The following SH3PXD2A variants were observed in gnomAD, a reference collection of about 807,000 sequenced individuals.
The protein encoded by SH3PXD2A is SH3 and PX domain-containing protein 2A.
A neutral mutation model predicts 115.2 loss-of-function variants in SH3PXD2A; 32 were observed. The observed-to-expected ratio is 0.28, with a 90% CI of 0.21 to 0.37. The LOEUF is 0.37. Among genes scored for constraint, SH3PXD2A ranks in the 10% least tolerant of loss-of-function variants. SH3PXD2A has a pLI of 1.00. For missense variants in SH3PXD2A, 1,328 were observed against 1,498.7 expected, an observed-to-expected ratio of 0.89 and a Z score of 1.88; for synonymous variants, 610 against 629.1, an observed-to-expected ratio of 0.97 and a Z score of 0.45.
At chr10:103,624,712 AC>A (rs1485797517) in intron 9 of SH3PXD2A, among the ~76,000 whole-genome samples, 2 of 152,196 alleles carry the variant, frequency 1.3e-5, no homozygotes, top group East Asian at 3.8e-4. Context: ...GGCTCAGGGC[AC>A]CTATGATGGG....
At chr10:103,662,431 C>T (rs1273046543) in intron 7 of SH3PXD2A, among the ~76,000 whole-genome samples, 7 of 107,002 alleles carry the variant, frequency 6.5e-5, no homozygotes, top group East Asian at 2.9e-4. Flanking sequence ...CTCGCTCTGT[C>T]GCCCAGGCCG....
chr10:103,606,177 T>TATCATCATCATC (rs56654395), intron 13 of SH3PXD2A, among the ~76,000 whole-genome samples: 10 of 142,826 alleles, frequency 7.0e-5, no homozygotes, highest in South Asian at 2.4e-4. Flanking sequence ...TTACTATTAC[T>TATCATCATCATC]ATCATCATCA....
chr10:103,627,029 TGA>T lies in SH3PXD2A; in HGVS notation c.718+58_718+59del. 1 of 895,686 alleles carries T rather than the reference TGA, an allele frequency of 1.1e-6. No homozygotes were observed. The highest frequency in any genetic ancestry group is 1.9e-6 in the Non-Finnish European group (1 of 531,732). 55.5% of individuals were successfully genotyped at this position (895,686 alleles called of 1,614,324 possible). Reference sequence around the variant, plus strand: ...GGTTCTGTTGGTTCTAGGGAAAGAGTGAGAGAGCTGCCTCCAGAGGCCGCGTT... The same window carrying T: ...GGTTCTGTTGGTTCTAGGGAAAGAGTGAGAGCTGCCTCCAGAGGCCGCGTT... On this transcript the variant is annotated intron_variant, in intron 9 of 14. Coordinates refer to ENST00000369774, the MANE Select transcript of SH3PXD2A (RefSeq NM_001394015.1). The surrounding 1 kb of genome is among the most constrained non-coding windows in gnomAD (Gnocchi z 4.4).
intron 14 of SH3PXD2A, 139 bp downstream of exon 14, chr10:103,605,659 A>C (rs956170537): frequency 3.8e-6 from 4 of 1,059,602 alleles, no homozygotes; most frequent in African/African-American, 3.1e-5. Flanking sequence ...GCAGATGCTC[A>C]TCTTTGTGGG....
Position 103,594,142 on chromosome 10 carries a change from G to A in SH3PXD2A, c.*7674C>T, listed in dbSNP as rs1478734254. The A allele has an allele frequency of 6.6e-6, 1 of 152,620 alleles. No individual in the cohort carries two copies. The highest frequency in any genetic ancestry group is 1.5e-5 in the Non-Finnish European group (1 of 68,052). 9.5% of individuals were successfully genotyped at this position (152,620 alleles called of 1,614,324 possible). A position where few individuals can be genotyped will look rare whatever the true frequency, so the allele number is the denominator to read the frequency against. On this transcript the variant is annotated 3_prime_UTR_variant, in exon 15 of 15. Transcript: ENST00000369774. ...CAGTCTAGAAGCATGCCAAGACAGA[G>A]CATTTTCTGCAGACCAAAGAGTCCC...
At chr10:103,845,468 A>G (rs556326741) in intron 1 of SH3PXD2A, among the ~76,000 whole-genome samples, 3 of 152,314 alleles carry the variant, frequency 2.0e-5, no homozygotes, top group Admixed American at 2.0e-4. Context: ...CTATACTCCC[A>G]CCAGCACCAT....
At position 103,602,172 on chromosome 10, in the gene SH3PXD2A, A is replaced by G; in HGVS notation, c.3046T>C (p.Ser1016Pro). 2 of 1,574,880 alleles carry G rather than the reference A, an allele frequency of 1.3e-6. No individual in the cohort carries two copies. The highest frequency in any genetic ancestry group is 1.7e-6 in the Non-Finnish European group (2 of 1,158,958). Residue 1016 changes from serine (S) to proline (P), a missense_variant, in exon 15 of 15, where the codon TCC becomes CCC. Physicochemically the swap from Ser to Pro is moderately conservative, Grantham distance 74. This residue lies in a region of SH3PXD2A where 574 missense variants were observed against 565.7 expected (regional missense o/e 1.01). Coordinates refer to ENST00000369774, the MANE Select transcript of SH3PXD2A (RefSeq NM_001394015.1). ...GCGGAGCGAGCAGTGCTAAAGGAGGAGTTCCGTCGGACGCCTCGGAGGCCA... is the reference window on the plus strand; with the variant it reads ...GCGGAGCGAGCAGTGCTAAAGGAGGGGTTCCGTCGGACGCCTCGGAGGCCA... ...TDGLRGVRRN[S>P]SFSTARSAAA...
intron 3 of SH3PXD2A, among the ~76,000 whole-genome samples, chr10:103,762,477 G>A (rs2038710816): frequency 6.6e-6 from 1 of 152,098 alleles, no homozygotes; most frequent in South Asian, 2.1e-4. Flanking sequence ...TGGAGGCATA[G>A]GCCTGGGGGG....
chr10:103,851,084 C>T (rs1258755466), intron 1 of SH3PXD2A, among the ~76,000 whole-genome samples: 1 of 151,622 alleles, frequency 6.6e-6, no homozygotes, highest in African/African-American at 2.4e-5. Context: ...CTGAAAAAGA[C>T]CCTTGCAGGC....
chr10:103,783,998 C>T (rs2073340), intron 2 of SH3PXD2A, among the ~76,000 whole-genome samples: 3 of 152,084 alleles, frequency 2.0e-5, no homozygotes, highest in African/African-American at 7.2e-5. Flanking sequence ...CAGGAAAAGT[C>T]CCCCCGCAAA....
intron 8 of SH3PXD2A, among the ~76,000 whole-genome samples, chr10:103,639,064 A>C (rs566588859): frequency 6.6e-6 from 1 of 152,170 alleles, no homozygotes; most frequent in Non-Finnish European, 1.5e-5. Flanking sequence ...GATGGATGAG[A>C]AGGGCGGCTG....
chr10:103,640,418 G>A (rs2036937262), intron 8 of SH3PXD2A, among the ~76,000 whole-genome samples: 2 of 152,050 alleles, frequency 1.3e-5, no homozygotes, highest in South Asian at 4.1e-4. Flanking sequence ...CTCAGCATTC[G>A]CTCTCAGAAG....
chr10:103,656,496 G>A (rs1184978890), intron 8 of SH3PXD2A, among the ~76,000 whole-genome samples: 1 of 152,196 alleles, frequency 6.6e-6, no homozygotes, highest in Non-Finnish European at 1.5e-5. Context: ...AGAGGAGAAG[G>A]CAGGCTGGTC....
At chr10:103,625,282 T>A (rs564682688) in intron 9 of SH3PXD2A, among the ~76,000 whole-genome samples, 1 of 152,364 alleles carries the variant, frequency 6.6e-6, no homozygotes. Flanking sequence ...CGCTCTGACC[T>A]TCCTGGTGCA....
chr10:103,688,294 A>G (rs915662038), intron 6 of SH3PXD2A, among the ~76,000 whole-genome samples: 5 of 152,174 alleles, frequency 3.3e-5, no homozygotes, highest in African/African-American at 1.2e-4. Flanking sequence ...CACAAGGTTC[A>G]CTCATTCATG....
At chr10:103,851,048 A>G (rs4918063) in intron 1 of SH3PXD2A, among the ~76,000 whole-genome samples, 132,009 of 151,650 alleles carry the variant, frequency 0.87, 58,612 homozygotes, top group East Asian at 0.99. Context: ...GCCCAACACC[A>G]TACTCATTCC....
intron 9 of SH3PXD2A, among the ~76,000 whole-genome samples, chr10:103,623,258 T>C (rs1162958360): frequency 1.3e-5 from 2 of 148,404 alleles, no homozygotes; most frequent in African/African-American, 5.3e-5. Context: ...TCGGGACATC[T>C]GATGACAGGG....
chr10:103,798,557 G>A (rs1414119364), intron 2 of SH3PXD2A, among the ~76,000 whole-genome samples: 1 of 152,346 alleles, frequency 6.6e-6, no homozygotes, highest in African/African-American at 2.4e-5. Context: ...TTCCTGGGGA[G>A]AGGGCTTCCA....
At position 103,801,953 on chromosome 10, in the gene SH3PXD2A, C is replaced by T. The variant is rs529884535; in HGVS notation, c.73-591G>A. Among the ~76,000 whole-genome samples, 10 of 152,338 alleles carry T rather than the reference C, an allele frequency of 6.6e-5. No individual in the cohort carries two copies. The East Asian group carries it at 1.9e-3, about 29-fold the overall frequency. On this transcript the variant is annotated intron_variant, in intron 1 of 14. Transcript: ENST00000369774. Reference sequence around the variant, plus strand: ...TCCTGACCTCAGATGATCCACCTGCCTTGGCCTTCCAAAGTGCTGGGATTA... The same window carrying T: ...TCCTGACCTCAGATGATCCACCTGCTTTGGCCTTCCAAAGTGCTGGGATTA...
Sources: allele counts gnomAD v4.1 joint callset (sites outside exome capture counted in the v4.1 genomes callset), GRCh38; gene constraint gnomAD v4.1.1; regional missense constraint gnomAD v4.1.1; non-coding constraint Gnocchi (gnomAD v3.1); transcripts MANE v1.5; gene names NCBI Gene and HGNC (gene_info 2026-07-23, HGNC 2026-07-21).